ARMC3: variants seen among roughly 807,000 people sequenced by gnomAD.
The protein encoded by ARMC3 is armadillo repeat containing 3, also known as armadillo repeat-containing protein 3.
ARMC3 carries 74 observed loss-of-function variants against 90.3 expected under a neutral mutation model. The observed-to-expected ratio is 0.82, with a 90% confidence interval of 0.68 to 0.99. ARMC3 has a LOEUF of 0.99. ARMC3 is among the 50% of genes least tolerant of loss of function. The pLI is 0.00. For missense variants in ARMC3, 958 were observed against 1,042.8 expected, an observed-to-expected ratio of 0.92 and a Z score of 1.12; for synonymous variants, 334 against 361.8, an observed-to-expected ratio of 0.92 and a Z score of 0.87.
intron 2 of ARMC3, among the ~76,000 whole-genome samples, chr10:22,936,260 C>T (rs1834109851): frequency 6.6e-6 from 1 of 152,052 alleles, no homozygotes; most frequent in African/African-American, 2.4e-5. Flanking sequence ...AGTTCAAGAC[C>T]AGCCTGGGAA....
chr10:22,986,854 CAATG>C (rs1836474008), intron 10 of ARMC3, among the ~76,000 whole-genome samples: 1 of 151,672 alleles, frequency 6.6e-6, no homozygotes, highest in Non-Finnish European at 1.5e-5. Flanking sequence ...TATGAAAAGG[CAATG>C]AATAAGAATA....
intron 8 of ARMC3, among the ~76,000 whole-genome samples, chr10:22,968,934 A>C (rs1835564471): frequency 6.6e-6 from 1 of 152,202 alleles, no homozygotes; most frequent in African/African-American, 2.4e-5. Flanking sequence ...AACTCATCTC[A>C]CTTCCAATGA....
At chr10:22,999,437 C>T (rs1268190733) in intron 11 of ARMC3, among the ~76,000 whole-genome samples, 1 of 152,170 alleles carries the variant, frequency 6.6e-6, no homozygotes, top group East Asian at 1.9e-4. Flanking sequence ...CTTAAATCAA[C>T]AAACATCCTT....
chr10:23,024,391 C>CAGAT lies in ARMC3; in HGVS notation c.2046-6204_2046-6203insGATA, dbSNP rs747069779. Reference sequence around the variant, plus strand: ...AAGGATTAGGAAGAAAGAGGAATGCCACATAGATAGATAGATAGATAGATA... The same window carrying CAGAT: ...AAGGATTAGGAAGAAAGAGGAATGCCAGATACATAGATAGATAGATAGATAGATA... On this transcript the variant is annotated intron_variant, in intron 16 of 18. Transcript: ENST00000298032. 9.9e-3 allele frequency among the ~76,000 whole-genome samples: 1,333 copies of CAGAT among 134,650 alleles called. 20 individuals are homozygous for CAGAT. The highest frequency in any genetic ancestry group is 0.035 in the African/African-American group (1,286 of 36,990). 88.3% of individuals were successfully genotyped at this position (134,650 alleles called of 152,430 possible). A position where few individuals can be genotyped will look rare whatever the true frequency, so the allele number is the denominator to read the frequency against.
intron 16 of ARMC3, among the ~76,000 whole-genome samples, chr10:23,015,920 G>C (rs1838247797): frequency 6.6e-6 from 1 of 152,108 alleles, no homozygotes; most frequent in Non-Finnish European, 1.5e-5. Context: ...TCCAGTGCTG[G>C]AGATACAGCA....
At chr10:22,940,754 G>T (rs938578385) in intron 2 of ARMC3, among the ~76,000 whole-genome samples, 3 of 152,176 alleles carry the variant, frequency 2.0e-5, no homozygotes, top group African/African-American at 7.2e-5. Flanking sequence ...CCAAAGTGCT[G>T]GGATTACAGG....
At chr10:23,014,990 A>G (rs1264313498) in intron 16 of ARMC3, among the ~76,000 whole-genome samples, 1 of 152,106 alleles carries the variant, frequency 6.6e-6, no homozygotes, top group Non-Finnish European at 1.5e-5. Context: ...AAAATTTAAA[A>G]GAAGATCATA....
At chr10:23,003,204 G>T (rs747451744) in intron 12 of ARMC3, 42 bp from the exon 13 acceptor site, 17 of 1,573,108 alleles carry the variant, frequency 1.1e-5, no homozygotes, top group Non-Finnish European at 3.5e-6. Flanking sequence ...AGTATTGGAT[G>T]GCTTGTATAA....
At chr10:22,975,192 G>A (rs1350039785) in intron 8 of ARMC3, among the ~76,000 whole-genome samples, 2 of 152,086 alleles carry the variant, frequency 1.3e-5, no homozygotes, top group South Asian at 2.1e-4. Flanking sequence ...TAGGTTTGTT[G>A]CCTTCAAACA....
At chr10:22,994,379 G>T (rs10828392) in intron 10 of ARMC3, among the ~76,000 whole-genome samples, 30,013 of 152,054 alleles carry the variant, frequency 0.2, 3,212 homozygotes, top group African/African-American at 0.27. Flanking sequence ...GGCCGCTTGT[G>T]TAAGGCCTTG....
intron 9 of ARMC3, 25 bp downstream of exon 9, chr10:22,981,517 T>C: frequency 1.2e-6 from 2 of 1,613,444 alleles, no homozygotes; most frequent in Non-Finnish European, 8.5e-7. Flanking sequence ...AACAATTCTT[T>C]TGAGCATTTT....
At chr10:23,018,817 C>T (rs897258916) in intron 16 of ARMC3, among the ~76,000 whole-genome samples, 4 of 152,066 alleles carry the variant, frequency 2.6e-5, no homozygotes, top group Admixed American at 1.3e-4. Context: ...TGCCTGGCCG[C>T]ACCTTGGTAA....
At position 23,008,275 on chromosome 10, in the gene ARMC3, G is replaced by T; in HGVS notation, c.1830-1G>T. 1.4e-6 allele frequency: 2 copies of T among 1,460,238 alleles called. No homozygotes were observed. The highest frequency in any genetic ancestry group is 1.9e-6 in the Non-Finnish European group (2 of 1,075,182). 90.5% of individuals were successfully genotyped at this position (1,460,238 alleles called of 1,614,324 possible). ...ATAATTTTAAATGTGTAAAATTTTA[G>T]TTCTCCACCTTCATCTATGGAAGAT... On this transcript the variant is annotated splice_acceptor_variant, in intron 14 of 18. Coordinates refer to ENST00000298032, the MANE Select transcript of ARMC3 (RefSeq NM_173081.5). LOFTEE classifies it high-confidence loss of function.
intron 14 of ARMC3, among the ~76,000 whole-genome samples, chr10:23,007,430 G>A (rs190766793): frequency 8.0e-4 from 122 of 152,252 alleles, no homozygotes; most frequent in African/African-American, 2.7e-3. Flanking sequence ...GACCATGGCC[G>A]GGCACGGTGG....
intron 7 of ARMC3, among the ~76,000 whole-genome samples, chr10:22,963,914 CACACACACAAAAAAAAA>C (rs1835320968): frequency 3.3e-5 from 1 of 30,730 alleles, no homozygotes; most frequent in Non-Finnish European, 7.2e-5. Context: ...CACACACACA[CACACACACAAAAAAAAA>C]AAAAAAAAAA....
At chr10:22,987,995 G>A (rs1836534239) in intron 10 of ARMC3, among the ~76,000 whole-genome samples, 1 of 152,272 alleles carries the variant, frequency 6.6e-6, no homozygotes, top group East Asian at 1.9e-4. Context: ...AGGGAATGAT[G>A]AAATTGTAAG....
chr10:22,981,357 T>C lies in ARMC3; in HGVS notation c.934T>C (p.Phe312Leu), dbSNP rs199810343. 5 of 1,594,548 alleles carry C rather than the reference T, an allele frequency of 3.1e-6. No individual in the cohort carries two copies. Among genetic ancestry groups the C allele is most frequent in the Non-Finnish European group, 4.3e-6 (5 of 1,175,056 alleles). The change falls in exon 9 of 19, where the codon TTT (phenylalanine) becomes CTT (leucine). Residue 312 changes from phenylalanine (F) to leucine (L), a missense_variant. Coordinates refer to ENST00000298032, the MANE Select transcript of ARMC3 (RefSeq NM_173081.5). ...TATGAAAGCTGAAAATAGAAAACTT[T>C]TTCATGAACAAGAGGTTGAAAAGTG... ...AAYDPENRKL[F>L]HEQEVEKCLV... is the part of the protein sequence containing the mutation.
rs368084771 is a variant in ARMC3 at position 22,949,473 on chromosome 10, A to G, written c.166+3212A>G. On this transcript the variant is annotated intron_variant, in intron 3 of 18. Coordinates refer to ENST00000298032, the MANE Select transcript of ARMC3 (RefSeq NM_173081.5). ...TGAAAACTTCAATGTCTGAAATGAA[A>G]AACACATAGGCTTTGATTAATGCAG... is the stretch of plus-strand genomic sequence containing the variant. 3.9e-5 allele frequency among the ~76,000 whole-genome samples: 6 copies of G among 152,354 alleles called. No homozygotes were observed. In the East Asian group the frequency reaches 1.2e-3, roughly 29 times the overall value.
intron 3 of ARMC3, among the ~76,000 whole-genome samples, chr10:22,951,629 G>A (rs1436719826): frequency 6.6e-6 from 1 of 152,040 alleles, no homozygotes; most frequent in Non-Finnish European, 1.5e-5. Flanking sequence ...CTGGGTAATT[G>A]TTAAGTAGTT....
Sources: gnomAD v4.1 joint callset for allele counts (sites outside exome capture counted in the v4.1 genomes callset) on GRCh38, gnomAD v4.1.1 for gene constraint, MANE v1.5 for transcripts, NCBI Gene and HGNC (gene_info 2026-07-23, HGNC 2026-07-21) for gene names.